Variants in SORCS3 observed in about 807,000 individuals in gnomAD.
SORCS3 encodes VPS10 domain-containing receptor SorCS3.
Under a neutral mutation model 146.3 loss-of-function variants are expected in SORCS3, and 57 were observed. The observed-to-expected ratio is 0.39, with a 90% CI of 0.31 to 0.49. SORCS3 has a LOEUF of 0.49. SORCS3 is among the 20% of genes least tolerant of loss of function. The pLI is 0.92. For synonymous variants in SORCS3, 653 were observed against 618.5 expected (o/e 1.06, Z -0.83); for missense variants, 1,341 against 1,575.5 (o/e 0.85, Z 2.52).
chr10:105,056,937 TA>T (rs1479444600), intron 5 of SORCS3, among the ~76,000 whole-genome samples: 1 of 152,194 alleles, frequency 6.6e-6, no homozygotes. Context: ...TTACATCTTT[TA>T]AAAAAACTTA....
chr10:104,735,023 C>A lies in SORCS3; in HGVS notation c.627+93069C>A, dbSNP rs573131127. 2.0e-5 allele frequency among the ~76,000 whole-genome samples: 3 copies of A among 152,124 alleles called. No individual in the cohort carries two copies. In the South Asian group the frequency reaches 6.2e-4, roughly 32 times the overall value. On this transcript the variant is annotated intron_variant, in intron 1 of 26. Transcript: ENST00000369701. ...TTGCAGTTAATTAAAAAAAATCTACCCTTTAATGTATTTGGTTTAGAAATT... is the reference window on the plus strand; with the variant it reads ...TTGCAGTTAATTAAAAAAAATCTACACTTTAATGTATTTGGTTTAGAAATT...
intron 3 of SORCS3, among the ~76,000 whole-genome samples, chr10:104,975,847 C>T (rs1444449680): frequency 1.6e-4 from 24 of 152,094 alleles, no homozygotes; most frequent in Admixed American, 5.9e-4. Flanking sequence ...CCGGGAAAAC[C>T]GGCTAGCCAT....
intron 3 of SORCS3, among the ~76,000 whole-genome samples, chr10:104,970,055 C>A (rs1188610924): frequency 6.6e-6 from 1 of 152,110 alleles, no homozygotes; most frequent in Non-Finnish European, 1.5e-5. Context: ...TTTAATTTTT[C>A]TGCACCAGGG....
rs2054905370 is a variant in SORCS3 at position 104,977,326 on chromosome 10, T to A, written c.796-9T>A. On this transcript the variant is annotated splice_polypyrimidine_tract_variant and intron_variant, in intron 3 of 26. Transcript: ENST00000369701. Reference sequence around the variant, plus strand: ...TCTGTCTGTATATGTCCCTCTATCCTTTCTTTAGATTATGCTTCTCAGTGA... The same window carrying A: ...TCTGTCTGTATATGTCCCTCTATCCATTCTTTAGATTATGCTTCTCAGTGA... 1.2e-6 allele frequency: 2 copies of A among 1,607,280 alleles called. No individual in the cohort carries two copies. Among genetic ancestry groups the A allele is most frequent in the East Asian group, 4.5e-5 (2 of 44,738 alleles).
chr10:105,061,531 G>A (rs990435851), intron 5 of SORCS3, among the ~76,000 whole-genome samples: 5 of 151,622 alleles, frequency 3.3e-5, no homozygotes, highest in East Asian at 1.9e-4. Context: ...TCCTGACCTC[G>A]TGATCCACCT....
intron 5 of SORCS3, among the ~76,000 whole-genome samples, chr10:105,052,301 C>T (rs546347975): frequency 2.6e-5 from 4 of 152,158 alleles, no homozygotes; most frequent in African/African-American, 9.6e-5. Context: ...CCATAGTGCA[C>T]ATGGCAACAC....
At chr10:105,222,360 A>G (rs2056709060) in intron 19 of SORCS3, among the ~76,000 whole-genome samples, 1 of 152,080 alleles carries the variant, frequency 6.6e-6, no homozygotes, top group African/African-American at 2.4e-5. Context: ...GCCCGGCCGC[A>G]TTAACACTGT....
intron 2 of SORCS3, among the ~76,000 whole-genome samples, chr10:104,873,629 C>T (rs902752229): frequency 6.6e-6 from 1 of 152,172 alleles, no homozygotes; most frequent in Non-Finnish European, 1.5e-5. Context: ...GATATGCAAT[C>T]TCTCATTTTT....
At chr10:105,048,534 G>A (rs1346996835) in intron 5 of SORCS3, among the ~76,000 whole-genome samples, 3 of 123,310 alleles carry the variant, frequency 2.4e-5, no homozygotes, top group African/African-American at 9.3e-5. Context: ...GGGGCCTGTT[G>A]TGGGGTGGGG....
Position 105,265,208 on chromosome 10 carries a change from G to A in SORCS3, c.*1834G>A, listed in dbSNP as rs2056984783. 6.6e-6 allele frequency: 1 copy of A among 152,512 alleles called. No homozygotes were observed. The highest frequency in any genetic ancestry group is 1.5e-5 in the Non-Finnish European group (1 of 68,038). The allele number at this position is 152,512 out of a possible 1,614,324, so 9.4% of individuals were successfully genotyped here. On this transcript the variant is annotated 3_prime_UTR_variant, in exon 27 of 27. Transcript: ENST00000369701. The stretch of plus-strand genomic sequence containing the variant: ...AAAAAAAGACAGTGGTTTTGAAATT[G>A]TTGAAAATAAATGTATTTTTGTACA...
chr10:104,914,748 A>C (rs966865473), intron 2 of SORCS3, among the ~76,000 whole-genome samples: 2 of 152,238 alleles, frequency 1.3e-5, no homozygotes, highest in African/African-American at 4.8e-5. Flanking sequence ...CTCAAAGCAA[A>C]GGCTGGGGGT....
intron 3 of SORCS3, among the ~76,000 whole-genome samples, chr10:104,944,910 A>G (rs1000702307): frequency 6.6e-6 from 1 of 152,202 alleles, no homozygotes; most frequent in Non-Finnish European, 1.5e-5. Flanking sequence ...AGGTCATAGC[A>G]ATAAAAGCCA....
At chr10:105,042,990 A>G in intron 4 of SORCS3, 65 bp from the exon 5 acceptor site, 2 of 1,400,492 alleles carry the variant, frequency 1.4e-6, no homozygotes, top group Non-Finnish European at 2.0e-6. Context: ...CTGCAGGGAA[A>G]ACATCTGTAT....
chr10:105,136,486 C>G (rs528213046), intron 7 of SORCS3, among the ~76,000 whole-genome samples: 1 of 152,108 alleles, frequency 6.6e-6, no homozygotes. Context: ...ACCACAGAAC[C>G]AGCATTGTCT....
intron 13 of SORCS3, 25 bp downstream of exon 13, chr10:105,167,374 A>C: frequency 6.5e-7 from 1 of 1,529,982 alleles, no homozygotes; most frequent in East Asian, 2.3e-5. Flanking sequence ...CTACCCTATT[A>C]ATGAGCTAAT....
At chr10:104,890,626 G>A (rs1185413786) in intron 2 of SORCS3, among the ~76,000 whole-genome samples, 1 of 152,000 alleles carries the variant, frequency 6.6e-6, no homozygotes, top group Non-Finnish European at 1.5e-5. Context: ...TAAAATAACT[G>A]GTTTAATGTC....
intron 26 of SORCS3, among the ~76,000 whole-genome samples, chr10:105,263,106 T>A (rs527306308): frequency 1.2e-4 from 19 of 152,236 alleles, no homozygotes; most frequent in Non-Finnish European, 2.6e-4. Context: ...TGATCCCACC[T>A]GTGGGCTAGT....
intron 5 of SORCS3, among the ~76,000 whole-genome samples, chr10:105,055,286 T>G (rs2055438830): frequency 6.6e-6 from 1 of 152,210 alleles, no homozygotes; most frequent in Admixed American, 6.5e-5. Flanking sequence ...AGGACACATA[T>G]AGTTGCTAGT....
chr10:104,672,235 A>G (rs935938216), intron 1 of SORCS3, among the ~76,000 whole-genome samples: 36 of 152,104 alleles, frequency 2.4e-4, no homozygotes, highest in African/African-American at 8.4e-4. Context: ...ATTTTATCTA[A>G]GTTTTCCAAT....
Sources: gnomAD v4.1 joint callset for allele counts (sites outside exome capture counted in the v4.1 genomes callset) on GRCh38, gnomAD v4.1.1 for gene constraint, MANE v1.5 for transcripts, NCBI Gene and HGNC (gene_info 2026-07-23, HGNC 2026-07-21) for gene names.